Variants in ZNF679 observed in about 807,000 individuals in gnomAD.
ZNF679 encodes hypothetical protein MGC42415.
ZNF679 carries 10 observed loss-of-function variants against 13.4 expected under a neutral mutation model. The ratio of observed to expected loss-of-function variants is 0.75; its 90% CI spans 0.46 to 1.27. The LOEUF is 1.27. Among genes scored for constraint, ZNF679 ranks in the 50% most tolerant of loss-of-function variants. The pLI is 0.00. For synonymous variants in ZNF679, 179 were observed against 162.5 expected, an observed-to-expected ratio of 1.10 and a Z score of -0.77; for missense variants, 525 against 477.8, an observed-to-expected ratio of 1.10 and a Z score of -0.92.
intron 1 of ZNF679, among the ~76,000 whole-genome samples, chr7:64,244,408 A>G (rs557003126): frequency 1.8e-4 from 27 of 152,068 alleles, no homozygotes; most frequent in African/African-American, 6.0e-4. Flanking sequence ...GGTGAAATCA[A>G]TAAGTTATAT....
In ZNF679 at chr7:64,249,024, C is replaced by T; in HGVS notation, c.-90-4C>T. On this transcript the variant is annotated splice_polypyrimidine_tract_variant and splice_region_variant and intron_variant, in intron 1 of 4. Transcript: ENST00000421025. ...CCGGGTCCTTTGTGTTTCTCTGCGT[C>T]CAGAGCTCCAGTTCTTCTCTTCACT... 2 of 1,576,940 alleles carry T rather than the reference C, an allele frequency of 1.3e-6. No homozygotes were observed. Among genetic ancestry groups the T allele is most frequent in the Non-Finnish European group, 1.7e-6 (2 of 1,155,760 alleles).
At chr7:64,255,978 T>C (rs1788000203) in intron 2 of ZNF679, among the ~76,000 whole-genome samples, 1 of 152,114 alleles carries the variant, frequency 6.6e-6, no homozygotes, top group Non-Finnish European at 1.5e-5. Flanking sequence ...ATAGGTAAAA[T>C]CATATCATGA....
At chr7:64,237,169 G>A (rs1479747874) in intron 1 of ZNF679, among the ~76,000 whole-genome samples, 1 of 152,154 alleles carries the variant, frequency 6.6e-6, no homozygotes, top group Non-Finnish European at 1.5e-5. Flanking sequence ...GGCTAGTGGA[G>A]AAAACGGGTC....
Position 64,259,700 on chromosome 7 carries a change from G to T in ZNF679, c.40-521G>T, listed in dbSNP as rs140482181. Among the ~76,000 whole-genome samples the T allele has an allele frequency of 2.4e-3, 364 of 152,212 alleles. 11 individuals carry two copies. In the East Asian group the frequency reaches 0.067, roughly 28 times the overall value. On this transcript the variant is annotated intron_variant, in intron 2 of 4. Coordinates refer to ENST00000421025, the MANE Select transcript of ZNF679 (RefSeq NM_153363.3). ...CCCAGCACTTTGGGAGGCCGAGGTG[G>T]GTGGATCACCTGAGGTTAGGAGTTC...
At chr7:64,240,329 A>G (rs1787781737) in intron 1 of ZNF679, among the ~76,000 whole-genome samples, 1 of 152,200 alleles carries the variant, frequency 6.6e-6, no homozygotes, top group South Asian at 2.1e-4. Flanking sequence ...GTATTGTGAC[A>G]CATACATGGT....
chr7:64,258,291 G>A (rs1309044233), intron 2 of ZNF679, among the ~76,000 whole-genome samples: 1 of 152,084 alleles, frequency 6.6e-6, no homozygotes, highest in Non-Finnish European at 1.5e-5. Flanking sequence ...TGCTTTAAAG[G>A]CATATTCTCA....
chr7:64,254,237 G>C (rs958707344), intron 2 of ZNF679, among the ~76,000 whole-genome samples: 1 of 151,592 alleles, frequency 6.6e-6, no homozygotes, highest in African/African-American at 2.4e-5. Flanking sequence ...CAATACTCCT[G>C]CCTTAGCCTC....
In ZNF679 at chr7:64,266,804, T is replaced by G; in HGVS notation, c.1171T>G (p.Trp391Gly). Residue 391 changes from tryptophan (W) to glycine (G), a missense_variant, in exon 5 of 5, where the codon TGG (tryptophan) becomes GGG (glycine). Coordinates refer to ENST00000421025, the MANE Select transcript of ZNF679 (RefSeq NM_153363.3). ...KCEECDKAFKWSSSLANHKSM... is the reference protein window; with the variant it reads ...KCEECDKAFKGSSSLANHKSM... ...TGAAGAATGTGACAAAGCTTTTAAG[T>G]GGTCCTCAAGTCTTGCTAATCATAA... The G allele has an allele frequency of 1.9e-6, 3 of 1,605,532 alleles. No homozygotes were observed. The highest frequency in any genetic ancestry group is 2.6e-6 in the Non-Finnish European group (3 of 1,175,400).
At chr7:64,259,622 G>A (rs1156363777) in intron 2 of ZNF679, among the ~76,000 whole-genome samples, 1 of 151,948 alleles carries the variant, frequency 6.6e-6, no homozygotes, top group Non-Finnish European at 1.5e-5. Context: ...GCATAAAACT[G>A]GTGTTTCTTT....
intron 4 of ZNF679, among the ~76,000 whole-genome samples, chr7:64,261,154 TCA>T (rs1217283585): frequency 6.6e-6 from 1 of 152,220 alleles, no homozygotes; most frequent in Non-Finnish European, 1.5e-5. Context: ...TTCTTCAAGT[TCA>T]CAGTGTGAGC....
At chr7:64,259,196 G>C (rs974856603) in intron 2 of ZNF679, among the ~76,000 whole-genome samples, 2 of 152,118 alleles carry the variant, frequency 1.3e-5, no homozygotes, top group African/African-American at 2.4e-5. Flanking sequence ...ACAGGCGTGA[G>C]CTACCGTGCC....
At chr7:64,241,729 A>G (rs1182517398) in intron 1 of ZNF679, among the ~76,000 whole-genome samples, 3 of 152,218 alleles carry the variant, frequency 2.0e-5, no homozygotes, top group Admixed American at 2.0e-4. Flanking sequence ...CCCAGGCCGA[A>G]AAAGAGACTC....
intron 2 of ZNF679, among the ~76,000 whole-genome samples, chr7:64,254,150 A>T (rs1305767269): frequency 3.9e-5 from 3 of 76,236 alleles, no homozygotes; most frequent in Non-Finnish European, 1.1e-4. Flanking sequence ...TTTGAGACAA[A>T]GTCTTGCTCT....
Position 64,243,491 on chromosome 7 carries a change from T to C in ZNF679, c.-90-5537T>C, listed in dbSNP as rs139352694. On this transcript the variant is annotated intron_variant, in intron 1 of 4. Coordinates refer to ENST00000421025, the MANE Select transcript of ZNF679 (RefSeq NM_153363.3). ...CATCTAGGTGATGGGCCCAGTGATA[T>C]GTAACCATTTCTCCTGTAAATAGAT... is the stretch of plus-strand genomic sequence containing the variant. Among the ~76,000 whole-genome samples the C allele has an allele frequency of 8.4e-3, 1,282 of 152,266 alleles. 21 individuals are homozygous for C. The highest frequency in any genetic ancestry group is 0.029 in the African/African-American group (1,198 of 41,548).
Position 64,266,410 on chromosome 7 carries a change from G to A in ZNF679, c.777G>A (p.Arg259=). ...FTWSSTLTKH[R]RIHTGEKPYT... is the part of the protein sequence containing the mutation. Reference sequence around the variant, plus strand: ...GGTCCTCAACCCTTACTAAACATAGGAGAATTCATACTGGAGAAAAACCCT... The same window carrying A: ...GGTCCTCAACCCTTACTAAACATAGAAGAATTCATACTGGAGAAAAACCCT... Residue 259 remains arginine (R), a synonymous_variant, in exon 5 of 5, where the codon AGG becomes AGA. Coordinates refer to ENST00000421025, the MANE Select transcript of ZNF679 (RefSeq NM_153363.3). 9.9e-6 allele frequency: 16 copies of A among 1,612,848 alleles called. No homozygotes were observed. Among genetic ancestry groups the A allele is most frequent in the African/African-American group, 2.7e-5 (2 of 74,974 alleles).
chr7:64,262,765 G>A (rs769618045), intron 4 of ZNF679, among the ~76,000 whole-genome samples: 9 of 151,910 alleles, frequency 5.9e-5, no homozygotes, highest in Non-Finnish European at 1.0e-4. Context: ...TGTTTTTCAC[G>A]TGTGTTTCTC....
intron 1 of ZNF679, among the ~76,000 whole-genome samples, chr7:64,230,856 G>A (rs371521525): frequency 2.6e-5 from 4 of 152,166 alleles, no homozygotes; most frequent in African/African-American, 7.2e-5. Context: ...CCTTTTCCTG[G>A]TAGAATAGTA....
At chr7:64,232,701 C>G (rs1787656096) in intron 1 of ZNF679, among the ~76,000 whole-genome samples, 1 of 152,106 alleles carries the variant, frequency 6.6e-6, no homozygotes, top group African/African-American at 2.4e-5. Context: ...TTTTCACAAT[C>G]CCCTTTGTAA....
chr7:64,243,615 G>A (rs913992487), intron 1 of ZNF679, among the ~76,000 whole-genome samples: 2 of 152,120 alleles, frequency 1.3e-5, no homozygotes, highest in Non-Finnish European at 2.9e-5. Context: ...GAGTCATATC[G>A]CCTAGGTGAT....
Sources: gnomAD v4.1 joint callset for allele counts (sites outside exome capture counted in the v4.1 genomes callset) on GRCh38, gnomAD v4.1.1 for gene constraint, MANE v1.5 for transcripts, NCBI Gene and HGNC (gene_info 2026-07-23, HGNC 2026-07-21) for gene names.